The following PAQR7 variants were observed in gnomAD, a reference collection of about 807,000 sequenced individuals.
PAQR7 encodes the protein progestin and adipoQ receptor family member 7, also known as membrane progestin receptor alpha.
Under a neutral mutation model 24.6 loss-of-function variants are expected in PAQR7, and 14 were observed. The observed-to-expected ratio is 0.57, with a 90% CI of 0.38 to 0.89. The LOEUF (loss-of-function observed/expected upper bound fraction) is 0.89. Ranked by LOEUF, PAQR7 falls within the 40% of genes least tolerant of loss-of-function variation. The pLI is 0.00. For missense variants in PAQR7, 351 were observed against 444.0 expected (o/e 0.79, Z 1.88); for synonymous variants, 189 against 198.8 (o/e 0.95, Z 0.42).
Position 25,863,660 on chromosome 1 carries a change from G to A in PAQR7, c.180C>T (p.Phe60=). The change falls in exon 3 of 3, where the codon TTC becomes TTT. Residue 60 remains phenylalanine, a synonymous_variant. Transcript: ENST00000675840. This position sits in a 1 kb window ranked among gnomAD's most constrained non-coding sequence, Gnocchi z 6.1. The part of the protein sequence containing the change: ...GYRPLHQTWR[F]YFRTLFQQHN... ...GCTGCTGGAACAGCGTGCGGAAATA[G>A]AAGCGCCAGGTCTGATGCAGCGGCC... The A allele has an allele frequency of 6.2e-7, 1 of 1,613,850 alleles. No homozygotes were observed. The highest frequency in any genetic ancestry group is 8.5e-7 in the Non-Finnish European group (1 of 1,179,996).
At chr1:25,868,484 G>A (rs142396762) in intron 2 of PAQR7, among the ~76,000 whole-genome samples, 1 of 152,136 alleles carries the variant, frequency 6.6e-6, no homozygotes, top group Non-Finnish European at 1.5e-5. Flanking sequence ...CGAGGCAGGT[G>A]GATCACTTGC....
chr1:25,875,284 C>T lies in PAQR7; in HGVS notation c.-109+204G>A, dbSNP rs2048641428. Among the ~76,000 whole-genome samples, 1 of 152,328 alleles carries T rather than the reference C, an allele frequency of 6.6e-6. No homozygotes were observed. The highest frequency in any genetic ancestry group is 1.5e-5 in the Non-Finnish European group (1 of 68,032). ...CTGCGCCCTCCGCTGGCTGCTTCCC[C>T]GGGCGGGCGTCCTCTCACTTAGCCC... On this transcript the variant is annotated intron_variant, in intron 1 of 2. Transcript: ENST00000675840. This position sits in a 1 kb window ranked among gnomAD's most constrained non-coding sequence, Gnocchi z 5.4.
intron 2 of PAQR7, among the ~76,000 whole-genome samples, chr1:25,869,661 G>T (rs942134327): frequency 1.3e-5 from 2 of 152,000 alleles, no homozygotes; most frequent in Admixed American, 1.3e-4. Context: ...GGACTGGGCT[G>T]TAGATGCTTG....
intron 1 of PAQR7, among the ~76,000 whole-genome samples, chr1:25,872,029 C>A (rs1557468251): frequency 6.6e-6 from 1 of 152,214 alleles, no homozygotes; most frequent in Non-Finnish European, 1.5e-5. Flanking sequence ...TCAAGAGACG[C>A]CACAGGCCTC....
At chr1:25,865,580 C>T (rs1024443586) in intron 2 of PAQR7, among the ~76,000 whole-genome samples, 2 of 152,080 alleles carry the variant, frequency 1.3e-5, no homozygotes, top group Admixed American at 6.5e-5. Context: ...GAGGCCGAGG[C>T]GGGCGGATCA....
At chr1:25,870,945 C>G (rs2048598525) in intron 1 of PAQR7, 1 of 152,182 alleles carries the variant, frequency 6.6e-6, no homozygotes. Context: ...AAAGTTTTAG[C>G]TTCATTTAGG....
intron 2 of PAQR7, among the ~76,000 whole-genome samples, chr1:25,869,108 C>A (rs2048582306): frequency 6.6e-6 from 1 of 151,762 alleles, no homozygotes; most frequent in African/African-American, 2.4e-5. Context: ...GCCTGGGCAA[C>A]AGAGTGAGAC....
intron 2 of PAQR7, among the ~76,000 whole-genome samples, chr1:25,867,093 AC>A (rs1350923817): frequency 6.6e-6 from 1 of 152,084 alleles, no homozygotes; most frequent in African/African-American, 2.4e-5. Context: ...TGGTATAATC[AC>A]AGCTCACTGC....
At chr1:25,865,503 T>G (rs1331448772) in intron 2 of PAQR7, among the ~76,000 whole-genome samples, 4 of 151,922 alleles carry the variant, frequency 2.6e-5, no homozygotes, top group Non-Finnish European at 5.9e-5. Context: ...GGAGAAATCC[T>G]GTCTCTACTA....
intron 1 of PAQR7, among the ~76,000 whole-genome samples, chr1:25,873,629 G>A (rs765428223): frequency 2.0e-5 from 3 of 152,030 alleles, no homozygotes; most frequent in Non-Finnish European, 4.4e-5. Context: ...CCAGGTTGAA[G>A]TGCAGTGCAG....
At chr1:25,867,064 C>T (rs181666918) in intron 2 of PAQR7, among the ~76,000 whole-genome samples, 21 of 152,118 alleles carry the variant, frequency 1.4e-4, no homozygotes, top group Admixed American at 1.2e-3. Context: ...CTTGCTCTGT[C>T]CCCCAGGTTG....
Position 25,863,198 on chromosome 1 carries a change from G to T in PAQR7, c.642C>A (p.Tyr214Ter). Residue 214 changes from tyrosine to a stop codon, truncating the protein, a stop_gained, in exon 3 of 3, where the codon TAC becomes TAA. Coordinates refer to ENST00000675840, the MANE Select transcript of PAQR7 (RefSeq NM_178422.6). LOFTEE classifies it high-confidence loss of function. The surrounding 1 kb of genome is among the most constrained non-coding windows in gnomAD (Gnocchi z 6.1). ...GCACCACAGGACTAATGTCCAGTGC[G>T]TAGGCCAGGACGGAGGGCACCTCCT... ...TCQEVPSVLA[Y>*]ALDISPVVHR... 1 of 1,614,248 alleles carries T rather than the reference G, an allele frequency of 6.2e-7. No homozygotes were observed. Among genetic ancestry groups the T allele is most frequent in the Non-Finnish European group, 8.5e-7 (1 of 1,180,044 alleles).
intron 1 of PAQR7, among the ~76,000 whole-genome samples, chr1:25,873,746 T>C (rs543794561): frequency 1.4e-4 from 22 of 152,190 alleles, no homozygotes; most frequent in African/African-American, 4.8e-4. Flanking sequence ...AATTTTTTTA[T>C]TATGTGTAGA....
At position 25,863,488 on chromosome 1, in the gene PAQR7, G is replaced by A; in HGVS notation, c.352C>T (p.Leu118Phe). The change falls in exon 3 of 3, where the codon CTC becomes TTC. Residue 118 changes from leucine (L) to phenylalanine (F), a missense_variant. Leu to Phe is a conservative substitution (Grantham distance 22). Coordinates refer to ENST00000675840, the MANE Select transcript of PAQR7 (RefSeq NM_178422.6). The surrounding 1 kb of genome is among the most constrained non-coding windows in gnomAD (Gnocchi z 6.1). ...FIIVLASFTY[L>F]SFSALAHLLQ... ...AGGTGAGCCAAGGCACTGAAGGAGA[G>A]GTAGGTGAAAGAGGCAAGGACAATG... 1.2e-6 allele frequency: 2 copies of A among 1,614,202 alleles called. No homozygotes were observed. Among genetic ancestry groups the A allele is most frequent in the Non-Finnish European group, 1.7e-6 (2 of 1,180,030 alleles).
chr1:25,874,577 G>A (rs1478371234), intron 1 of PAQR7, among the ~76,000 whole-genome samples: 1 of 152,148 alleles, frequency 6.6e-6, no homozygotes, highest in Non-Finnish European at 1.5e-5. Flanking sequence ...GGTAGCACAG[G>A]CCTCATGACT....
At chr1:25,868,988 G>A (rs1213064339) in intron 2 of PAQR7, among the ~76,000 whole-genome samples, 7 of 152,062 alleles carry the variant, frequency 4.6e-5, no homozygotes, top group East Asian at 2.0e-4. Context: ...TTAGCTGGGC[G>A]TGGTGGCACG....
chr1:25,862,924 G>A lies in PAQR7; in HGVS notation c.916C>T (p.Pro306Ser). ...TTGTGAGGCCAGTGCGTGTGCAGAG[G>A]CTCATAGATGGGCCGTCGGGCCTCA... ...DYEARRPIYE[P>S]LHTHWPHNFS... Residue 306 changes from proline (P) to serine (S), a missense_variant, in exon 3 of 3, where the codon CCT becomes TCT. Physicochemically the swap from Pro to Ser is moderately conservative, Grantham distance 74 (BLOSUM62 -1). Coordinates refer to ENST00000675840, the MANE Select transcript of PAQR7 (RefSeq NM_178422.6). 6.2e-7 allele frequency: 1 copy of A among 1,614,192 alleles called. No homozygotes were observed. The highest frequency in any genetic ancestry group is 8.5e-7 in the Non-Finnish European group (1 of 1,180,042).
At chr1:25,872,658 C>T (rs13373759) in intron 1 of PAQR7, among the ~76,000 whole-genome samples, 2 of 151,856 alleles carry the variant, frequency 1.3e-5, no homozygotes, top group Non-Finnish European at 2.9e-5. Flanking sequence ...GAATCACAGG[C>T]GCACGCTACC....
intron 1 of PAQR7, among the ~76,000 whole-genome samples, chr1:25,874,664 G>C (rs549139852): frequency 2.6e-5 from 4 of 152,274 alleles, no homozygotes; most frequent in South Asian, 2.1e-4. Flanking sequence ...GCCAGACTCC[G>C]AATCCATCGA....
Sources: allele counts gnomAD v4.1 joint callset (sites outside exome capture counted in the v4.1 genomes callset), GRCh38; gene constraint gnomAD v4.1.1; non-coding constraint Gnocchi (gnomAD v3.1); transcripts MANE v1.5; gene names NCBI Gene and HGNC (gene_info 2026-07-23, HGNC 2026-07-21).